Variants in PPIG observed in about 807,000 individuals in gnomAD.
The protein encoded by PPIG is peptidylprolyl isomerase G, also known as peptidyl-prolyl cis-trans isomerase G.
In PPIG, 26 loss-of-function variants were observed where a neutral mutation model predicts 87.9. The ratio of observed to expected loss-of-function variants is 0.30; its 90% confidence interval spans 0.22 to 0.41. The LOEUF is 0.41. Ranked by LOEUF, PPIG falls within the 10% of genes least tolerant of loss-of-function variation. The probability of loss-of-function intolerance (pLI) is 1.00; values close to 1 mark genes in which losing one functional copy is unlikely to be tolerated. For missense variants in PPIG, 722 were observed against 879.4 expected, an observed-to-expected ratio of 0.82 and a Z score of 2.26; for synonymous variants, 308 against 276.5, an observed-to-expected ratio of 1.11 and a Z score of -1.13.
chr2:169,601,277 C>T (rs934114668), intron 1 of PPIG, among the ~76,000 whole-genome samples: 9 of 152,092 alleles, frequency 5.9e-5, no homozygotes, highest in African/African-American at 2.2e-4. Flanking sequence ...CTCACTTATG[C>T]CTATCCTCTC....
intron 10 of PPIG, 21 bp downstream of exon 10, chr2:169,631,008 A>G (rs765462317): frequency 6.5e-7 from 1 of 1,536,184 alleles, no homozygotes; most frequent in Non-Finnish European, 8.8e-7. Flanking sequence ...TACTTTTCTA[A>G]TGCTAGCTTT....
Position 169,629,028 on chromosome 2 carries a change from T to G in PPIG, c.548-1746T>G, listed in dbSNP as rs1423752285. On this transcript the variant is annotated intron_variant, in intron 9 of 13. Coordinates refer to ENST00000260970, the MANE Select transcript of PPIG (RefSeq NM_004792.3). ...GATGTTCCTGAGGCTAAGGTGGGGC[T>G]AAAGGAAAGGTCACAAATCAGCTGT... 2.0e-5 allele frequency among the ~76,000 whole-genome samples: 3 copies of G among 149,982 alleles called. No individual in the cohort carries two copies. The Admixed American group carries it at 2.0e-4, about 10-fold the overall frequency.
At chr2:169,609,593 T>G (rs532764261) in intron 7 of PPIG, among the ~76,000 whole-genome samples, 4 of 152,114 alleles carry the variant, frequency 2.6e-5, no homozygotes, top group Non-Finnish European at 4.4e-5. Flanking sequence ...CTAGCCAAAT[T>G]AGGATAATTT....
Position 169,585,270 on chromosome 2 carries a change from C to CTTTTTTTTTTTTTTTTTTTTTTTTTTTTT in PPIG, c.-70+789_-70+790insTTTTTTTTTTTTTTTTTTTTTTTTTTTTT, listed in dbSNP as rs1553542345. Among the ~76,000 whole-genome samples, 2 of 118,758 alleles carry CTTTTTTTTTTTTTTTTTTTTTTTTTTTTT rather than the reference C, an allele frequency of 1.7e-5. 1 individual carries two copies. The highest frequency in any genetic ancestry group is 3.4e-5 in the Non-Finnish European group (2 of 59,556). The allele number at this position is 118,758 out of a possible 152,430, so 77.9% of individuals were successfully genotyped here. ...TATGCTAATTTGGTTCTTGGTTAGT[C>CTTTTTTTTTTTTTTTTTTTTTTTTTTTTT]TTTTTTTTTGAGACGGAGTCTCGCT... On this transcript the variant is annotated intron_variant, in intron 1 of 13. Coordinates refer to ENST00000260970, the MANE Select transcript of PPIG (RefSeq NM_004792.3).
rs1288512484 is a variant in PPIG, at chr2:169,614,510, T to A, written c.407+17T>A. The A allele has an allele frequency of 1.3e-6, 2 of 1,559,520 alleles. No individual in the cohort carries two copies. ...TTTAGATGGGTAAATATTATTTTAT[T>A]TATTTTACAACCTGTTTTAAATTAA... On this transcript the variant is annotated intron_variant, in intron 8 of 13. Coordinates refer to ENST00000260970, the MANE Select transcript of PPIG (RefSeq NM_004792.3).
intron 1 of PPIG, among the ~76,000 whole-genome samples, chr2:169,598,550 C>G (rs1156424197): frequency 6.6e-6 from 1 of 152,046 alleles, no homozygotes; most frequent in African/African-American, 2.4e-5. Context: ...AGCGGCCTCC[C>G]AAAATGTTGG....
At chr2:169,588,930 G>C (rs974158486) in intron 1 of PPIG, among the ~76,000 whole-genome samples, 18 of 121,506 alleles carry the variant, frequency 1.5e-4, no homozygotes, top group East Asian at 1.0e-3. Context: ...TTGCACTTCA[G>C]CCTGGGCACA....
chr2:169,610,010 C>CA (rs565355186), intron 7 of PPIG, among the ~76,000 whole-genome samples: 1 of 152,136 alleles, frequency 6.6e-6, no homozygotes, highest in Non-Finnish European at 1.5e-5. Flanking sequence ...ATTCCAACTA[C>CA]AAAAAAAATT....
At chr2:169,611,250 AAAAG>A (rs1373079940) in intron 7 of PPIG, among the ~76,000 whole-genome samples, 7 of 152,144 alleles carry the variant, frequency 4.6e-5, no homozygotes, top group Admixed American at 2.6e-4. Context: ...GAAAAAGAAA[AAAAG>A]AAAGAAAACA....
chr2:169,636,056 T>G (rs746624722), intron 12 of PPIG, 36 bp from the exon 13 acceptor site: 1 of 1,538,124 alleles, frequency 6.5e-7, no homozygotes, highest in Non-Finnish European at 8.9e-7. Context: ...TCTATACTTC[T>G]ATACATTAAT....
chr2:169,621,939 A>G (rs977499329), intron 9 of PPIG, among the ~76,000 whole-genome samples: 3 of 122,088 alleles, frequency 2.5e-5, no homozygotes, highest in African/African-American at 1.0e-4. Context: ...AAAAAAAAAA[A>G]AAATTTTTTT....
chr2:169,613,166 A>G (rs1685535146), intron 7 of PPIG, among the ~76,000 whole-genome samples: 1 of 152,238 alleles, frequency 6.6e-6, no homozygotes, highest in Admixed American at 6.5e-5. Flanking sequence ...ATATATATGC[A>G]TTGTGACTAT....
rs1558903970 is a variant in PPIG at position 169,636,749 on chromosome 2, TAAAG to T, written c.1495_1498del (p.Glu499LysfsTer24). The T allele has an allele frequency of 5.0e-6, 8 of 1,612,168 alleles. No homozygotes were observed. Among genetic ancestry groups the T allele is most frequent in the South Asian group, 1.1e-5 (1 of 90,712 alleles). On this transcript the variant is annotated frameshift_variant, in exon 14 of 14. Coordinates refer to ENST00000260970, the MANE Select transcript of PPIG (RefSeq NM_004792.3). LOFTEE classifies it high-confidence loss of function. ...GTAAAGGAAGGGATCATGAAAATGT[TAAAG>T]AAAAAGAAAAGCAGTCTGATTCTAA... is the stretch of plus-strand genomic sequence containing the variant.
intron 9 of PPIG, among the ~76,000 whole-genome samples, chr2:169,619,568 A>T (rs144958585): frequency 6.6e-6 from 1 of 152,100 alleles, no homozygotes; most frequent in African/African-American, 2.4e-5. Flanking sequence ...ATTGGTGCAT[A>T]TATATTTAGG....
At chr2:169,589,278 G>A (rs914492194) in intron 1 of PPIG, among the ~76,000 whole-genome samples, 2 of 152,146 alleles carry the variant, frequency 1.3e-5, no homozygotes, top group African/African-American at 4.8e-5. Context: ...AAACATCAGT[G>A]GAAGGGACAC....
At chr2:169,624,364 C>G (rs1365885819) in intron 9 of PPIG, among the ~76,000 whole-genome samples, 1 of 152,162 alleles carries the variant, frequency 6.6e-6, no homozygotes, top group Admixed American at 6.5e-5. Context: ...TTTGGGAAAT[C>G]ATTCTACTTA....
rs774140356 is a variant in PPIG, at chr2:169,636,523, A to G, written c.1265A>G (p.Lys422Arg). 6.2e-7 allele frequency: 1 copy of G among 1,609,952 alleles called. No individual in the cohort carries two copies. The highest frequency in any genetic ancestry group is 8.5e-7 in the Non-Finnish European group (1 of 1,178,890). ...VSESPNRKNE[K>R]EKKVKDHKSN... ...GAGAGTCCAAACAGAAAAAATGAAA[A>G]GGAGAAGAAAGTTAAAGACCATAAA... Residue 422 changes from lysine (K) to arginine (R), a missense_variant, in exon 14 of 14, where the codon AAG becomes AGG. Around this residue, in one of 4 missense-constraint regions of PPIG, gnomAD observed 476 missense variants for 483.1 expected, o/e 0.99. Coordinates refer to ENST00000260970, the MANE Select transcript of PPIG (RefSeq NM_004792.3).
At position 169,635,006 on chromosome 2, in the gene PPIG, A is replaced by C. The variant is rs117592925; in HGVS notation, c.1018-1086A>C. ...ATAAGCACACATTCCATTAGCTGTG[A>C]AAGTAATGATATCAAAACATGTAAA... On this transcript the variant is annotated intron_variant, in intron 12 of 13. Coordinates refer to ENST00000260970, the MANE Select transcript of PPIG (RefSeq NM_004792.3). 2.6e-4 allele frequency among the ~76,000 whole-genome samples: 40 copies of C among 152,288 alleles called. No individual in the cohort carries two copies. The East Asian group carries it at 6.7e-3, about 26-fold the overall frequency.
intron 9 of PPIG, among the ~76,000 whole-genome samples, chr2:169,622,981 C>A (rs1574458940): frequency 6.6e-6 from 1 of 152,088 alleles, no homozygotes; most frequent in Admixed American, 6.6e-5. Flanking sequence ...CTGAAGAAAT[C>A]TGACAGTCTT....
Sources: gnomAD v4.1 joint callset for allele counts (sites outside exome capture counted in the v4.1 genomes callset) on GRCh38, gnomAD v4.1.1 for gene constraint, gnomAD v4.1.1 regional missense constraint, MANE v1.5 for transcripts, NCBI Gene and HGNC (gene_info 2026-07-23, HGNC 2026-07-21) for gene names.